The following PRKN variants were observed in gnomAD, a reference collection of about 807,000 sequenced individuals.
PRKN encodes E3 ubiquitin-protein ligase parkin.
In PRKN, 56 loss-of-function variants were observed where a neutral mutation model predicts 59.5. The observed-to-expected ratio is 0.94, with a 90% CI of 0.76 to 1.18. The LOEUF (loss-of-function observed/expected upper bound fraction) is 1.18. PRKN is among the 50% of genes most tolerant of loss of function. PRKN has a pLI of 0.00. For synonymous variants in PRKN, 250 were observed against 222.1 expected, an observed-to-expected ratio of 1.13 and a Z score of -1.12; for missense variants, 657 against 596.4, an observed-to-expected ratio of 1.10 and a Z score of -1.06.
At chr6:162,555,382 G>A (rs892547201) in intron 1 of PRKN, among the ~76,000 whole-genome samples, 27 of 152,032 alleles carry the variant, frequency 1.8e-4, no homozygotes, top group Non-Finnish European at 7.4e-5. Flanking sequence ...TTTGAGTAAT[G>A]AGCAATTTCA....
intron 7 of PRKN, among the ~76,000 whole-genome samples, chr6:161,771,368 A>G (rs950354305): frequency 5.5e-5 from 3 of 54,616 alleles, no homozygotes; most frequent in Non-Finnish European, 1.4e-4. Context: ...AAAAAAAAAA[A>G]AAATAAAATA....
chr6:161,635,178 T>C (rs1783468144), intron 7 of PRKN, among the ~76,000 whole-genome samples: 1 of 152,142 alleles, frequency 6.6e-6, no homozygotes, highest in Non-Finnish European at 1.5e-5. Context: ...GAAAAAAGAG[T>C]AGATTTCTGG....
At chr6:161,587,634 T>G in intron 7 of PRKN, among the ~76,000 whole-genome samples, 1 of 151,890 alleles carries the variant, frequency 6.6e-6, no homozygotes, top group East Asian at 1.9e-4. Flanking sequence ...CATTCCTGCT[T>G]TTTTTTTAAA....
Position 162,410,166 on chromosome 6 carries a change from T to TTTTC in PRKN, c.171+33140_171+33143dup, listed in dbSNP as rs541864601. Among the ~76,000 whole-genome samples, 788 of 152,226 alleles carry TTTTC rather than the reference T, an allele frequency of 5.2e-3. 8 individuals carry two copies. Among genetic ancestry groups the TTTTC allele is most frequent in the African/African-American group, 0.017 (723 of 41,522 alleles). ...TGTGAATGAAAACCACCCTGCTGTT[T>TTTTC]TTTCTGCTCCTGCTGAGAGACTTGC... On this transcript the variant is annotated intron_variant, in intron 2 of 11. Coordinates refer to ENST00000366898, the MANE Select transcript of PRKN (RefSeq NM_004562.3).
At chr6:162,685,523 T>C (rs963151717) in intron 1 of PRKN, among the ~76,000 whole-genome samples, 2 of 152,054 alleles carry the variant, frequency 1.3e-5, no homozygotes, top group African/African-American at 4.8e-5. Context: ...AAACCAGAAG[T>C]ATTCCTCTAC....
chr6:162,562,031 G>T, intron 1 of PRKN, among the ~76,000 whole-genome samples: 1 of 152,118 alleles, frequency 6.6e-6, no homozygotes, highest in Non-Finnish European at 1.5e-5. Flanking sequence ...CTCCAGAAAA[G>T]ACCCCTTCCT....
Position 161,561,755 on chromosome 6 carries a change from G to C in PRKN, c.933+7600C>G, listed in dbSNP as rs1387144561. 6.6e-6 allele frequency among the ~76,000 whole-genome samples: 1 copy of C among 152,072 alleles called. No homozygotes were observed. The highest frequency in any genetic ancestry group is 1.5e-5 in the Non-Finnish European group (1 of 68,020). On this transcript the variant is annotated intron_variant, in intron 8 of 11. Transcript: ENST00000366898. This position sits in a 1 kb window ranked among gnomAD's most constrained non-coding sequence, Gnocchi z 5.0. ...TTCATCTCTGTGGAATCCTTCCTGT[G>C]AGTGTAAAACAAGTTCTGGCCCTTC...
At position 161,360,194 on chromosome 6, in the gene PRKN, G is replaced by C. The variant is rs751890444; in HGVS notation, c.1179C>G (p.Val393=). 20 of 1,613,072 alleles carry C rather than the reference G, an allele frequency of 1.2e-5. No homozygotes were observed. The South Asian group carries it at 1.5e-4, about 12-fold the overall frequency. ...GAGCCTGCTCGGCGGCTCTTTCATCGACTCTGTAGGCCTGGGGAAACAAAG... is the reference window on the plus strand; with the variant it reads ...GAGCCTGCTCGGCGGCTCTTTCATCCACTCTGTAGGCCTGGGGAAACAAAG... ...ASGTTTQAYR[V]DERAAEQARW... Residue 393 remains valine, a synonymous_variant, in exon 11 of 12, where the codon GTC becomes GTG. Transcript: ENST00000366898. The surrounding 1 kb of genome is among the most constrained non-coding windows in gnomAD (Gnocchi z 5.1).
At chr6:161,917,613 C>T (rs545656065) in intron 6 of PRKN, among the ~76,000 whole-genome samples, 11 of 152,104 alleles carry the variant, frequency 7.2e-5, no homozygotes, top group Admixed American at 2.6e-4. Flanking sequence ...GATCTTTAGA[C>T]CTCTGGCTTT....
In PRKN at chr6:162,246,657, T is replaced by C. The variant is rs567739761; in HGVS notation, c.412+15868A>G. ...AAAGGAAAAACTTTTCTCTCATTTT[T>C]CAGTGTTAAATATGTGATAAGGTTT... On this transcript the variant is annotated intron_variant, in intron 3 of 11. Coordinates refer to ENST00000366898, the MANE Select transcript of PRKN (RefSeq NM_004562.3). Among the ~76,000 whole-genome samples, 195 of 152,296 alleles carry C rather than the reference T, an allele frequency of 1.3e-3. 1 individual carries two copies. Among genetic ancestry groups the C allele is most frequent in the African/African-American group, 4.3e-3 (179 of 41,572 alleles).
chr6:161,525,597 A>T lies in PRKN; in HGVS notation c.1083+23257T>A, dbSNP rs970014842. 2.6e-5 allele frequency among the ~76,000 whole-genome samples: 4 copies of T among 152,346 alleles called. No individual in the cohort carries two copies. Among genetic ancestry groups the T allele is most frequent in the East Asian group, 1.9e-4 (1 of 5,186 alleles). ...GAGAGGAAAAGTTTAGTTTATGAGA[A>T]GGCTGTAGGAGGCAGTTCCCGGAGC... On this transcript the variant is annotated intron_variant, in intron 9 of 11. Coordinates refer to ENST00000366898, the MANE Select transcript of PRKN (RefSeq NM_004562.3). This position sits in a 1 kb window ranked among gnomAD's most constrained non-coding sequence, Gnocchi z 4.7.
chr6:161,397,633 C>T lies in PRKN; in HGVS notation c.1084-10756G>A, dbSNP rs182124923. ...CAAATTCAAGTCACTTCTAATTCCACGTGATTATCATGAAGTTGCAAGGAC... is the reference window on the plus strand; with the variant it reads ...CAAATTCAAGTCACTTCTAATTCCATGTGATTATCATGAAGTTGCAAGGAC... On this transcript the variant is annotated intron_variant, in intron 9 of 11. Coordinates refer to ENST00000366898, the MANE Select transcript of PRKN (RefSeq NM_004562.3). This position sits in a 1 kb window ranked among gnomAD's most constrained non-coding sequence, Gnocchi z 4.2. Among the ~76,000 whole-genome samples, 73 of 152,250 alleles carry T rather than the reference C, an allele frequency of 4.8e-4. 1 individual carries two copies. The highest frequency in any genetic ancestry group is 1.5e-3 in the African/African-American group (63 of 41,524).
intron 4 of PRKN, among the ~76,000 whole-genome samples, chr6:162,167,279 T>C (rs1313241116): frequency 6.6e-6 from 1 of 152,204 alleles, no homozygotes; most frequent in Non-Finnish European, 1.5e-5. Flanking sequence ...CACAAAACTA[T>C]TGTCAGTTGT....
chr6:162,137,065 A>C (rs1373034725), intron 4 of PRKN, among the ~76,000 whole-genome samples: 1 of 152,102 alleles, frequency 6.6e-6, no homozygotes, highest in African/African-American at 2.4e-5. Context: ...ATTTTTAATG[A>C]GACTCTAAAA....
At chr6:162,683,971 T>G (rs976826587) in intron 1 of PRKN, among the ~76,000 whole-genome samples, 1 of 152,196 alleles carries the variant, frequency 6.6e-6, no homozygotes, top group Non-Finnish European at 1.5e-5. Context: ...TAGAATAGTA[T>G]GAAGAAATAA....
At chr6:161,697,908 A>C (rs1786087944) in intron 7 of PRKN, among the ~76,000 whole-genome samples, 1 of 152,066 alleles carries the variant, frequency 6.6e-6, no homozygotes, top group Admixed American at 6.6e-5. Flanking sequence ...GTTTTCCCTC[A>C]ATTCTGTATT....
chr6:161,962,512 T>A (rs1284520674), intron 6 of PRKN, among the ~76,000 whole-genome samples: 6 of 151,302 alleles, frequency 4.0e-5, no homozygotes, highest in African/African-American at 1.5e-4. Context: ...CTAGCAAGGG[T>A]CTCTTAGATG....
Position 161,361,772 on chromosome 6 carries a change from T to A in PRKN, c.1168-1567A>T, listed in dbSNP as rs1784984924. Among the ~76,000 whole-genome samples the A allele has an allele frequency of 6.6e-6, 1 of 152,218 alleles. No individual in the cohort carries two copies. Among genetic ancestry groups the A allele is most frequent in the African/African-American group, 2.4e-5 (1 of 41,460 alleles). ...TTTGCTAGAATAACGTGGAGTCAGC[T>A]GCTCGGAGGCAACGGTAGGTCAATG... On this transcript the variant is annotated intron_variant, in intron 10 of 11. Transcript: ENST00000366898. The surrounding 1 kb of genome is among the most constrained non-coding windows in gnomAD (Gnocchi z 5.2).
chr6:162,455,259 A>T (rs918125350), intron 1 of PRKN, among the ~76,000 whole-genome samples: 3 of 151,946 alleles, frequency 2.0e-5, no homozygotes, highest in African/African-American at 7.3e-5. Flanking sequence ...TCATCCACAC[A>T]TCCACATAGC....
Sources: allele counts gnomAD v4.1 joint callset (sites outside exome capture counted in the v4.1 genomes callset), GRCh38; gene constraint gnomAD v4.1.1; non-coding constraint Gnocchi (gnomAD v3.1); transcripts MANE v1.5; gene names NCBI Gene and HGNC (gene_info 2026-07-23, HGNC 2026-07-21).